EVI5: variants seen among roughly 807,000 people sequenced by gnomAD.
The protein encoded by EVI5 is ecotropic viral integration site 5 protein homolog.
EVI5 carries 73 observed loss-of-function variants against 112.0 expected under a neutral mutation model. The observed-to-expected ratio is 0.65, with a 90% CI of 0.54 to 0.79. The LOEUF is 0.79. Ranked by LOEUF, EVI5 falls within the 30% of genes least tolerant of loss-of-function variation. The pLI, the probability that EVI5 is intolerant of heterozygous loss-of-function variation, is 0.00. For synonymous variants in EVI5, 305 were observed against 319.9 expected (o/e 0.95, Z 0.50); for missense variants, 900 against 968.8 (o/e 0.93, Z 0.94).
At chr1:92,561,649 C>CAGAG (rs1001074580) in intron 19 of EVI5, among the ~76,000 whole-genome samples, 1 of 149,656 alleles carries the variant, frequency 6.7e-6, no homozygotes, top group African/African-American at 2.5e-5. Context: ...ATCTATCTAT[C>CAGAG]TATCTATCTA....
chr1:92,596,271 G>A (rs984807384), intron 18 of EVI5, among the ~76,000 whole-genome samples: 2 of 152,090 alleles, frequency 1.3e-5, no homozygotes, highest in Non-Finnish European at 2.9e-5. Flanking sequence ...CAGGTGGGAG[G>A]ATCTCTTGAG....
At position 92,747,718 on chromosome 1, in the gene EVI5, AAAAAAAAAAC is replaced by A. The variant is rs1308341761; in HGVS notation, c.-81-11101_-81-11092del. Among the ~76,000 whole-genome samples, 3 of 147,894 alleles carry A rather than the reference AAAAAAAAAAC, an allele frequency of 2.0e-5. 1 individual carries two copies. Among genetic ancestry groups the A allele is most frequent in the African/African-American group, 7.4e-5 (3 of 40,386 alleles). ...GACAGAGCCAGACTCCATCTCACCAAAAAAAAAAACAAAAAAAAAAACCACCCAGAAATGT... is the reference window on the plus strand; with the variant it reads ...GACAGAGCCAGACTCCATCTCACCAAAAAAAAAAAAACCACCCAGAAATGT... On this transcript the variant is annotated intron_variant, in intron 1 of 19. Transcript: ENST00000684568.
intron 14 of EVI5, among the ~76,000 whole-genome samples, chr1:92,626,685 T>A (rs1271658923): frequency 1.3e-5 from 2 of 152,176 alleles, no homozygotes; most frequent in African/African-American, 4.8e-5. Context: ...AACACAGAAA[T>A]CTAACTCTGA....
intron 1 of EVI5, among the ~76,000 whole-genome samples, chr1:92,752,739 G>A (rs1326390776): frequency 6.6e-6 from 1 of 152,030 alleles, no homozygotes; most frequent in Non-Finnish European, 1.5e-5. Context: ...CTCCTTGCCA[G>A]TCAGCTCACA....
chr1:92,686,190 T>C (rs1668504706), intron 9 of EVI5, among the ~76,000 whole-genome samples: 1 of 152,182 alleles, frequency 6.6e-6, no homozygotes, highest in Admixed American at 6.5e-5. Context: ...ATCAAAAAGC[T>C]TATCCACCAT....
chr1:92,703,766 C>A (rs546725869), intron 3 of EVI5, 147 bp from the exon 4 acceptor site: 2 of 594,172 alleles, frequency 3.4e-6, no homozygotes, highest in African/African-American at 1.9e-5. Context: ...GACTAGGGAA[C>A]CCTGTAAGTC....
At chr1:92,775,610 G>A (rs1286392542) in intron 1 of EVI5, among the ~76,000 whole-genome samples, 1 of 152,168 alleles carries the variant, frequency 6.6e-6, no homozygotes, top group East Asian at 1.9e-4. Flanking sequence ...GGTGTGTATA[G>A]TAGGCTCTAT....
intron 2 of EVI5, among the ~76,000 whole-genome samples, chr1:92,719,512 G>A (rs190919137): frequency 2.0e-5 from 3 of 152,046 alleles, no homozygotes; most frequent in East Asian, 3.9e-4. Flanking sequence ...CATGCTAAAA[G>A]CTCTCAATAA....
intron 6 of EVI5, among the ~76,000 whole-genome samples, 156 bp from the exon 7 acceptor site, chr1:92,695,609 T>C (rs1453485912): frequency 6.6e-6 from 1 of 152,148 alleles, no homozygotes; most frequent in Non-Finnish European, 1.5e-5. Flanking sequence ...GGACAGTGGC[T>C]AGTATCTAGG....
intron 19 of EVI5, among the ~76,000 whole-genome samples, chr1:92,517,286 A>C (rs1169493648): frequency 1.3e-5 from 2 of 152,238 alleles, no homozygotes; most frequent in African/African-American, 4.8e-5. Flanking sequence ...AAAGTAATCT[A>C]GAGATGACTC....
chr1:92,790,677 G>A (rs529847576), intron 1 of EVI5, among the ~76,000 whole-genome samples: 9 of 151,802 alleles, frequency 5.9e-5, no homozygotes, highest in Admixed American at 3.3e-4. Flanking sequence ...AACTTAGCAG[G>A]GCATGGTGGC....
upstream of EVI5, among the ~76,000 whole-genome samples, chr1:92,789,140 A>G (rs1685894812): frequency 6.6e-6 from 1 of 152,090 alleles, no homozygotes; most frequent in Non-Finnish European, 1.5e-5. Flanking sequence ...GTTTATATAC[A>G]TTACTCATCT....
intron 15 of EVI5, among the ~76,000 whole-genome samples, chr1:92,625,005 T>G (rs1655375938): frequency 6.6e-6 from 1 of 152,146 alleles, no homozygotes; most frequent in Admixed American, 6.5e-5. Flanking sequence ...ACAGTTCAAA[T>G]TTTTTCTCTA....
At position 92,756,225 on chromosome 1, in the gene EVI5, T is replaced by C. The variant is rs551168225; in HGVS notation, c.-81-19598A>G. 280 of 421,442 alleles carry C rather than the reference T, an allele frequency of 6.6e-4. 3 individuals are homozygous for C. The highest frequency in any genetic ancestry group is 3.0e-4 in the East Asian group (5 of 16,810). The allele number at this position is 421,442 out of a possible 1,614,324, so 26.1% of individuals were successfully genotyped here. A position where few individuals can be genotyped will look rare whatever the true frequency, so the allele number is the denominator to read the frequency against. ...TATCATTAGAAACCTATCAGTGGAA[T>C]GGACCTCCGCCTTCCAACAGCTGCC... is the stretch of plus-strand genomic sequence containing the variant. On this transcript the variant is annotated intron_variant, in intron 1 of 19. Transcript: ENST00000684568.
chr1:92,647,315 T>G (rs530693493), intron 13 of EVI5: 107 of 212,986 alleles, frequency 5.0e-4, no homozygotes, highest in African/African-American at 2.5e-3. Flanking sequence ...TTTGTGGATT[T>G]GATCTTGGGG....
At chr1:92,747,297 T>C (rs1434119994) in intron 1 of EVI5, among the ~76,000 whole-genome samples, 1 of 152,170 alleles carries the variant, frequency 6.6e-6, no homozygotes, top group Non-Finnish European at 1.5e-5. Flanking sequence ...GATTTAAGCA[T>C]CCATGGTAGT....
chr1:92,613,044 T>C (rs574541236), intron 16 of EVI5, among the ~76,000 whole-genome samples: 3 of 152,286 alleles, frequency 2.0e-5, no homozygotes, highest in East Asian at 1.9e-4. Flanking sequence ...AGAAGGGGAA[T>C]AGCAGTCACT....
chr1:92,552,284 A>G (rs1667066234), intron 19 of EVI5, among the ~76,000 whole-genome samples: 1 of 152,200 alleles, frequency 6.6e-6, no homozygotes, highest in Non-Finnish European at 1.5e-5. Flanking sequence ...GCTGAATAAG[A>G]TAATCTTTGC....
At chr1:92,661,018 A>AAC (rs142667143) in intron 13 of EVI5, among the ~76,000 whole-genome samples, 10,561 of 151,258 alleles carry the variant, frequency 0.07, 983 homozygotes, top group African/African-American at 0.21. Context: ...TTTGGGAAAA[A>AAC]ACACACACAC....
Sources: allele counts gnomAD v4.1 joint callset (sites outside exome capture counted in the v4.1 genomes callset), GRCh38; gene constraint gnomAD v4.1.1; transcripts MANE v1.5; gene names NCBI Gene and HGNC (gene_info 2026-07-23, HGNC 2026-07-21).